Variants in ADGRL2 observed in about 807,000 individuals in gnomAD.
The protein encoded by ADGRL2 is calcium-independent alpha-latrotoxin receptor 2.
In ADGRL2, 44 loss-of-function variants were observed where a neutral mutation model predicts 157.4. The ratio of observed to expected loss-of-function variants is 0.28; its 90% confidence interval spans 0.22 to 0.36. ADGRL2 has a LOEUF of 0.36. ADGRL2 is among the 10% of genes least tolerant of loss of function. ADGRL2 has a pLI of 1.00. For missense variants in ADGRL2, 1,510 were observed against 1,768.9 expected, an observed-to-expected ratio of 0.85 and a Z score of 2.63; for synonymous variants, 585 against 624.7, an observed-to-expected ratio of 0.94 and a Z score of 0.95.
chr1:81,689,096 A>G (rs1475218237), intron 3 of ADGRL2, among the ~76,000 whole-genome samples: 1 of 152,080 alleles, frequency 6.6e-6, no homozygotes, highest in Non-Finnish European at 1.5e-5. Flanking sequence ...GAAGGGTGAA[A>G]TCTCAAATAC....
At chr1:81,574,817 T>C (rs1187105992) in intron 2 of ADGRL2, among the ~76,000 whole-genome samples, 2 of 152,282 alleles carry the variant, frequency 1.3e-5, no homozygotes, top group Middle Eastern at 3.4e-3. Context: ...ACTTGAACAT[T>C]AGGAAACTTC....
intron 1 of ADGRL2, among the ~76,000 whole-genome samples, chr1:81,352,261 C>T (rs886952072): frequency 6.6e-6 from 1 of 152,210 alleles, no homozygotes; most frequent in Non-Finnish European, 1.5e-5. Context: ...AAAGTCTCAA[C>T]ATATCAGTGG....
At chr1:81,471,799 C>T (rs1373959312) in intron 2 of ADGRL2, among the ~76,000 whole-genome samples, 1 of 152,106 alleles carries the variant, frequency 6.6e-6, no homozygotes, top group Non-Finnish European at 1.5e-5. Flanking sequence ...TTTTATATTT[C>T]ATTTTAAAGA....
rs572621352 is a variant in ADGRL2 at position 81,548,695 on chromosome 1, T to G, written c.-247-32181T>G. Among the ~76,000 whole-genome samples the G allele has an allele frequency of 4.6e-5, 7 of 152,236 alleles. No homozygotes were observed. In the South Asian group the frequency reaches 1.5e-3, roughly 32 times the overall value. ...CAAGGTTTTTATTTTTCCCCAAGGA[T>G]TCAGGTTAAAATGTAGCATTGTTTT... On this transcript the variant is annotated intron_variant, in intron 2 of 24. Transcript: ENST00000370721.
intron 11 of ADGRL2, among the ~76,000 whole-genome samples, chr1:81,962,464 G>GA (rs1477703584): frequency 1.3e-5 from 2 of 151,982 alleles, no homozygotes; most frequent in African/African-American, 4.8e-5. Context: ...TTTTTAAAAG[G>GA]AATCTGTTGT....
At chr1:81,695,992 G>C (rs1016795154), upstream of ADGRL2, among the ~76,000 whole-genome samples, 2 of 152,074 alleles carry the variant, frequency 1.3e-5, no homozygotes, top group African/African-American at 4.8e-5. Context: ...ATTTATTATA[G>C]AGAAATGTAG....
intron 3 of ADGRL2, among the ~76,000 whole-genome samples, chr1:81,932,980 G>A (rs1163052493): frequency 1.3e-5 from 2 of 152,266 alleles, no homozygotes; most frequent in South Asian, 2.1e-4. Flanking sequence ...GGGATTACAG[G>A]TGTGAGCCAC....
At chr1:81,893,404 T>G (rs1358405004) in intron 2 of ADGRL2, among the ~76,000 whole-genome samples, 1 of 151,620 alleles carries the variant, frequency 6.6e-6, no homozygotes, top group East Asian at 1.9e-4. Context: ...TAAAACTATT[T>G]GAGGTTGTAA....
chr1:81,712,081 C>A (rs764373322), intron 1 of ADGRL2, among the ~76,000 whole-genome samples: 3 of 152,066 alleles, frequency 2.0e-5, no homozygotes, highest in Non-Finnish European at 4.4e-5. Context: ...TTTCTGTTTT[C>A]ATTTTACCAA....
intron 2 of ADGRL2, among the ~76,000 whole-genome samples, chr1:81,789,690 A>C (rs970904411): frequency 3.2e-5 from 4 of 125,878 alleles, no homozygotes; most frequent in African/African-American, 1.3e-4. Context: ...TGACAGAGCG[A>C]GTCTCCGTCT....
rs971766826 is a variant in ADGRL2 at position 81,747,199 on chromosome 1, G to A, written c.-142-14612G>A. On this transcript the variant is annotated intron_variant, in intron 1 of 20. Coordinates refer to the ADGRL2 transcript ENST00000359929. ...TACATATATGTATGTGTGTATGCAT[G>A]TATATATATGTATGTGTGTATATAT... 5.9e-5 allele frequency among the ~76,000 whole-genome samples: 8 copies of A among 135,926 alleles called. No individual in the cohort carries two copies. The South Asian group carries it at 1.4e-3, about 24-fold the overall frequency. 89.2% of individuals were successfully genotyped at this position (135,926 alleles called of 152,430 possible). A position where few individuals can be genotyped will look rare whatever the true frequency, so the allele number is the denominator to read the frequency against.
chr1:81,970,363 CT>C lies in ADGRL2; in HGVS notation c.2787del (p.Phe929LeufsTer6). 6.3e-7 allele frequency: 1 copy of C among 1,597,384 alleles called. No individual in the cohort carries two copies. Among genetic ancestry groups the C allele is most frequent in the Non-Finnish European group, 8.5e-7 (1 of 1,175,174 alleles). On this transcript the variant is annotated frameshift_variant, in exon 16 of 24. Transcript: ENST00000686636. LOFTEE classifies it high-confidence loss of function. ...CTTCTACACTTTTTCTTTTTGGCAG[CT>C]TTTGCTTGGATGTGCCTAGAAGGTG... ...AGLLHFFFLA[A>X]FAWMCLEGVQ... is the part of the protein sequence containing the mutation.
At chr1:81,388,420 A>G (rs2076475583) in intron 1 of ADGRL2, among the ~76,000 whole-genome samples, 1 of 148,500 alleles carries the variant, frequency 6.7e-6, no homozygotes, top group Non-Finnish European at 1.5e-5. Context: ...GCTGCAAATC[A>G]GTAAAAATAC....
chr1:81,594,131 G>T (rs2081185894), intron 3 of ADGRL2, among the ~76,000 whole-genome samples: 2 of 152,216 alleles, frequency 1.3e-5, no homozygotes, highest in African/African-American at 2.4e-5. Flanking sequence ...ACAAGATTTT[G>T]TATGTTGGAG....
intron 2 of ADGRL2, among the ~76,000 whole-genome samples, chr1:81,874,111 T>G (rs928179691): frequency 1.3e-5 from 2 of 152,164 alleles, no homozygotes; most frequent in African/African-American, 4.8e-5. Flanking sequence ...TTTGGTTGGG[T>G]AGCTACTCCA....
chr1:81,692,676 A>C (rs1261263787), intron 3 of ADGRL2, among the ~76,000 whole-genome samples: 1 of 152,228 alleles, frequency 6.6e-6, no homozygotes, highest in Non-Finnish European at 1.5e-5. Context: ...CTTTTTAATA[A>C]TCTTTTGAGG....
chr1:81,991,015 A>G lies in ADGRL2; in HGVS notation c.4280A>G (p.His1427Arg). The change falls in exon 24 of 24, where the codon CAT (histidine) becomes CGT (arginine). Residue 1427 changes from histidine to arginine, a missense_variant. By Grantham distance (29) the His-to-Arg change is conservative. Transcript: ENST00000686636. ...AGCATGCCAAATCTTGGAGCTGGCCATCAGCTTCAGATGTGCTACCAGATC... is the reference window on the plus strand; with the variant it reads ...AGCATGCCAAATCTTGGAGCTGGCCGTCAGCTTCAGATGTGCTACCAGATC... ...YKSMPNLGAG[H>R]QLQMCYQISR... The G allele has an allele frequency of 3.1e-6, 5 of 1,614,070 alleles. No individual in the cohort carries two copies. The highest frequency in any genetic ancestry group is 4.2e-6 in the Non-Finnish European group (5 of 1,179,990).
intron 3 of ADGRL2, among the ~76,000 whole-genome samples, chr1:81,630,547 A>G (rs1336626788): frequency 6.6e-6 from 1 of 152,172 alleles, no homozygotes. Flanking sequence ...TATTTCCATC[A>G]TAAATCGAAT....
At chr1:81,485,974 G>A (rs1011068314) in intron 2 of ADGRL2, among the ~76,000 whole-genome samples, 6 of 152,268 alleles carry the variant, frequency 3.9e-5, no homozygotes, top group African/African-American at 1.4e-4. Flanking sequence ...CATGCTTTGT[G>A]TGCACTTACA....
Sources: gnomAD v4.1 joint callset for allele counts (sites outside exome capture counted in the v4.1 genomes callset) on GRCh38, gnomAD v4.1.1 for gene constraint, MANE v1.5 for transcripts, NCBI Gene and HGNC (gene_info 2026-07-23, HGNC 2026-07-21) for gene names.